ILKAP: variants seen among roughly 807,000 people sequenced by gnomAD.
ILKAP encodes the protein ILK associated serine/threonine phosphatase.
Under a neutral mutation model 49.1 loss-of-function variants are expected in ILKAP, and 11 were observed. That is an observed-to-expected ratio of 0.22 (90% CI 0.14 to 0.37). The LOEUF is 0.37. Among genes scored for constraint, ILKAP ranks in the 10% least tolerant of loss-of-function variants. The pLI, the probability that ILKAP is intolerant of heterozygous loss-of-function variation, is 1.00. For missense variants in ILKAP, 363 were observed against 510.8 expected (o/e 0.71, Z 2.79); for synonymous variants, 186 against 192.8 (o/e 0.96, Z 0.29).
Position 238,179,072 on chromosome 2 carries a change from G to A in ILKAP, c.836+2993C>T, listed in dbSNP as rs1239874326. ...CCCACTTCAGCCTCCCGAAGTGCTG[G>A]GATTACAGATGTGAGCCACTGCACC... is the stretch of plus-strand genomic sequence containing the variant. On this transcript the variant is annotated intron_variant, in intron 9 of 11. Coordinates refer to ENST00000254654, the MANE Select transcript of ILKAP (RefSeq NM_030768.3). 4.6e-5 allele frequency among the ~76,000 whole-genome samples: 7 copies of A among 152,106 alleles called. No homozygotes were observed. The East Asian group carries it at 1.2e-3, about 25-fold the overall frequency.
intron 5 of ILKAP, 168 bp from the exon 6 acceptor site, chr2:238,185,455 TG>T (rs1414636375): frequency 3.8e-6 from 2 of 529,466 alleles, no homozygotes; most frequent in African/African-American, 3.8e-5. Flanking sequence ...AGGCTTTAAC[TG>T]AGACAAATAT....
Position 238,203,649 on chromosome 2 carries a change from G to GCGACGGGCAGGGGCGGC in ILKAP, c.-113_-97dup, listed in dbSNP as rs1438505167. 5.6e-6 allele frequency: 4 copies of GCGACGGGCAGGGGCGGC among 712,546 alleles called. No individual in the cohort carries two copies. Among genetic ancestry groups the GCGACGGGCAGGGGCGGC allele is most frequent in the Admixed American group, 1.0e-4 (2 of 19,064 alleles). 44.1% of individuals were successfully genotyped at this position (712,546 alleles called of 1,614,324 possible). On this transcript the variant is annotated 5_prime_UTR_variant, in exon 1 of 12. Coordinates refer to ENST00000254654, the MANE Select transcript of ILKAP (RefSeq NM_030768.3). ...CCGGGCGGGCGGCAGCAGCGGGCGG[G>GCGACGGGCAGGGGCGGC]CGACGGGCAGGGGCGGCCGGCGCCG...
chr2:238,189,653 G>A (rs1270309074), intron 4 of ILKAP, 200 bp downstream of exon 4: 1 of 433,780 alleles, frequency 2.3e-6, no homozygotes, highest in South Asian at 2.9e-5. Flanking sequence ...CTGATCAAAG[G>A]TAGGATCAGA....
chr2:238,187,117 G>T (rs1219794649), intron 5 of ILKAP: 2 of 152,290 alleles, frequency 1.3e-5, no homozygotes, highest in African/African-American at 2.4e-5. Flanking sequence ...GCCGGCTGTG[G>T]TGGCACATGC....
chr2:238,191,904 CA>C (rs533953653), intron 3 of ILKAP, among the ~76,000 whole-genome samples: 237 of 117,884 alleles, frequency 2.0e-3, no homozygotes, highest in Middle Eastern at 5.2e-3. Context: ...GGCTCCATCT[CA>C]AAAAAAAAAA....
intron 9 of ILKAP, among the ~76,000 whole-genome samples, chr2:238,181,769 C>T (rs1460958958): frequency 2.0e-5 from 3 of 152,016 alleles, no homozygotes; most frequent in Admixed American, 6.5e-5. Flanking sequence ...ACTACAGGCG[C>T]CCGCCACCAC....
chr2:238,177,132 C>T (rs1388188403), intron 9 of ILKAP, among the ~76,000 whole-genome samples: 1 of 152,078 alleles, frequency 6.6e-6, no homozygotes, highest in Non-Finnish European at 1.5e-5. Context: ...ACATAGCTAC[C>T]TTCAATGTAA....
chr2:238,171,082 A>G (rs1693196240), intron 10 of ILKAP, 58 bp from the exon 11 acceptor site: 3 of 1,143,870 alleles, frequency 2.6e-6, no homozygotes, highest in Non-Finnish European at 3.8e-6. Flanking sequence ...AATAAAAAAT[A>G]AAAAAAGGGC....
chr2:238,203,386 G>C, intron 1 of ILKAP, 113 bp downstream of exon 1: 1 of 334,288 alleles, frequency 3.0e-6, no homozygotes, highest in Non-Finnish European at 4.5e-6. Flanking sequence ...CGTGCAGCCC[G>C]CGCCGCCCGC....
In ILKAP at chr2:238,176,135, C is replaced by CTTTTTTTT. The variant is rs55849458; in HGVS notation, c.837-2490_837-2483dup. ...AATTACAATGCTTAGCAAGTAGTGG[C>CTTTTTTTT]TTTTTTTTTTTTTTTTGAGACAGAG... On this transcript the variant is annotated intron_variant, in intron 9 of 11. Coordinates refer to ENST00000254654, the MANE Select transcript of ILKAP (RefSeq NM_030768.3). 3.4e-4 allele frequency among the ~76,000 whole-genome samples: 33 copies of CTTTTTTTT among 98,010 alleles called. 4 individuals carry two copies. The highest frequency in any genetic ancestry group is 7.5e-4 in the East Asian group (2 of 2,682). The allele number at this position is 98,010 out of a possible 152,430, so 64.3% of individuals were successfully genotyped here.
At chr2:238,185,603 A>T (rs1693872683) in intron 5 of ILKAP, 2 of 245,000 alleles carry the variant, frequency 8.2e-6, no homozygotes, top group East Asian at 2.0e-4. Flanking sequence ...GGAGATCAAG[A>T]CCATCCTGGC....
chr2:238,189,354 T>C (rs1262727798), intron 4 of ILKAP, among the ~76,000 whole-genome samples: 2 of 152,194 alleles, frequency 1.3e-5, no homozygotes, highest in Non-Finnish European at 2.9e-5. Flanking sequence ...AAGAATACTT[T>C]AGTACCACAA....
intron 6 of ILKAP, among the ~76,000 whole-genome samples, chr2:238,184,726 A>T (rs1170444002): frequency 8.7e-5 from 10 of 114,924 alleles, no homozygotes; most frequent in African/African-American, 3.4e-4. Flanking sequence ...ATGTCCAGTT[A>T]GGTTTGTTTT....
intron 3 of ILKAP, among the ~76,000 whole-genome samples, chr2:238,191,503 C>T (rs977009626): frequency 5.3e-5 from 8 of 152,236 alleles, no homozygotes; most frequent in Admixed American, 3.9e-4. Context: ...CATAAGGCAA[C>T]ACAGATGTTT....
At chr2:238,175,600 A>G (rs1302657615) in intron 9 of ILKAP, among the ~76,000 whole-genome samples, 2 of 152,190 alleles carry the variant, frequency 1.3e-5, no homozygotes, top group Admixed American at 1.3e-4. Flanking sequence ...ACAAAGGCCA[A>G]TCACAGAGTC....
At chr2:238,179,870 C>T (rs778041758) in intron 9 of ILKAP, among the ~76,000 whole-genome samples, 75 of 152,162 alleles carry the variant, frequency 4.9e-4, no homozygotes, top group Non-Finnish European at 1.0e-3. Context: ...TGGCCTATAA[C>T]ATGGTTCAAA....
chr2:238,170,569 G>A lies in ILKAP; in HGVS notation c.1146C>T (p.Asn382=), dbSNP rs35536074. The part of the protein sequence containing the change: ...NKAVQRGSAD[N]VTVMVVRIGH ...CTATCCGCACCACCATCACAGTGAC[G>A]TTGTCGGCCGAGCCCCGCTGCACCG... Residue 382 remains asparagine, a synonymous_variant, in exon 12 of 12, where the codon AAC becomes AAT. Transcript: ENST00000254654. 650 of 1,607,158 alleles carry A rather than the reference G, an allele frequency of 4.0e-4. No homozygotes were observed. In the African/African-American group the frequency reaches 7.3e-3, roughly 18 times the overall value.
At chr2:238,185,069 A>C (rs909919639) in intron 6 of ILKAP, 112 bp downstream of exon 6, 1 of 682,676 alleles carries the variant, frequency 1.5e-6, no homozygotes, top group Non-Finnish European at 2.6e-6. Flanking sequence ...CTCTTTTAAG[A>C]CTCATCAATG....
intron 5 of ILKAP, chr2:238,186,629 C>A (rs1371518857): frequency 6.6e-6 from 1 of 151,884 alleles, no homozygotes; most frequent in Admixed American, 6.6e-5. Flanking sequence ...TCTTACTACT[C>A]TTATTCCCAT....
Sources: gnomAD v4.1 joint callset for allele counts (sites outside exome capture counted in the v4.1 genomes callset) on GRCh38, gnomAD v4.1.1 for gene constraint, MANE v1.5 for transcripts, NCBI Gene and HGNC (gene_info 2026-07-23, HGNC 2026-07-21) for gene names.